The following IBTK variants were observed in gnomAD, a reference collection of about 807,000 sequenced individuals.
IBTK encodes inhibitor of Bruton tyrosine kinase, also known as BTK-binding protein.
A neutral mutation model predicts 154.9 loss-of-function variants in IBTK; 83 were observed. The ratio of observed to expected loss-of-function variants is 0.54; its 90% CI spans 0.45 to 0.64. IBTK has a LOEUF of 0.64. IBTK is among the 30% of genes least tolerant of loss of function. The pLI, the probability that IBTK is intolerant of heterozygous loss-of-function variation, is 0.00. For missense variants in IBTK, 1,332 were observed against 1,584.6 expected, an observed-to-expected ratio of 0.84 and a Z score of 2.71; for synonymous variants, 515 against 536.1, an observed-to-expected ratio of 0.96 and a Z score of 0.54.
chr6:82,202,470 C>T lies in IBTK; in HGVS notation c.2729+58G>A, dbSNP rs369138643. 2.0e-5 allele frequency: 18 copies of T among 880,120 alleles called. No individual in the cohort carries two copies. In the East Asian group the frequency reaches 2.7e-4, roughly 13 times the overall value. The allele number at this position is 880,120 out of a possible 1,614,324, so 54.5% of individuals were successfully genotyped here. On this transcript the variant is annotated intron_variant, in intron 18 of 28. Transcript: ENST00000306270. ...ACATTTAAATCACTAATAATATCTG[C>T]TATTATATATAAATATCTCCTTTTG...
chr6:82,181,036 A>T (rs1480069578), intron 26 of IBTK, among the ~76,000 whole-genome samples: 1 of 152,200 alleles, frequency 6.6e-6, no homozygotes, highest in Non-Finnish European at 1.5e-5. Context: ...TTGATGTTTC[A>T]TGTAGGCATT....
Position 82,173,392 on chromosome 6 carries a change from C to G in IBTK, c.3772G>C (p.Asp1258His), listed in dbSNP as rs1172451478. The G allele has an allele frequency of 6.2e-7, 1 of 1,613,536 alleles. No homozygotes were observed. Among genetic ancestry groups the G allele is most frequent in the Admixed American group, 1.7e-5 (1 of 60,004 alleles). The change falls in exon 27 of 29, where the codon GAT (aspartate) becomes CAT (histidine). Residue 1258 changes from aspartate (D) to histidine (H), a missense_variant. This residue lies in a region of IBTK where 1,134 missense variants were observed against 1,274.7 expected (regional missense o/e 0.89). Coordinates refer to ENST00000306270, the MANE Select transcript of IBTK (RefSeq NM_015525.4). Reference protein sequence around the residue: ...TPGPEGNHISDLPLLDSPNPW... With the variant: ...TPGPEGNHISHLPLLDSPNPW... ...TTGGGACTGTCTAGAAGTGGTAAAT[C>G]TGAAATATGGTTGCCTTCTGGTCCT...
chr6:82,180,564 T>C (rs955754825), intron 26 of IBTK, among the ~76,000 whole-genome samples: 3 of 152,192 alleles, frequency 2.0e-5, no homozygotes, highest in Non-Finnish European at 4.4e-5. Flanking sequence ...AAGATTTTAA[T>C]TTTAAAATAG....
Position 82,217,947 on chromosome 6 carries a change from T to C in IBTK, c.1426+13A>G, listed in dbSNP as rs1315904968. 1.6e-5 allele frequency: 25 copies of C among 1,556,836 alleles called. No individual in the cohort carries two copies. Among genetic ancestry groups the C allele is most frequent in the Non-Finnish European group, 2.2e-5 (25 of 1,145,850 alleles). On this transcript the variant is annotated intron_variant, in intron 10 of 28. Transcript: ENST00000306270. ...AAAGGTACTTTTACGTATTGTTCAA[T>C]ATATGAACTGACCTTTCTTTTCAGA...
At chr6:82,238,107 G>A (rs938676659) in intron 2 of IBTK, among the ~76,000 whole-genome samples, 7 of 151,984 alleles carry the variant, frequency 4.6e-5, no homozygotes, top group Admixed American at 6.6e-5. Context: ...AGCCGGGCAC[G>A]GTGGCACATG....
chr6:82,242,886 G>A (rs1400684421), intron 1 of IBTK, among the ~76,000 whole-genome samples: 3 of 151,370 alleles, frequency 2.0e-5, no homozygotes, highest in East Asian at 1.9e-4. Context: ...GCAGTGAGCC[G>A]AGATCCCGCC....
chr6:82,179,307 T>C (rs952832394), intron 26 of IBTK, among the ~76,000 whole-genome samples: 14 of 152,252 alleles, frequency 9.2e-5, no homozygotes, highest in African/African-American at 3.1e-4. Context: ...GTTTTGTCTA[T>C]ATTTTTGTTT....
chr6:82,230,212 G>A (rs185656574), intron 4 of IBTK, among the ~76,000 whole-genome samples: 42 of 152,274 alleles, frequency 2.8e-4, no homozygotes, highest in African/African-American at 7.9e-4. Context: ...AAGTTGGAAA[G>A]AGCCAGTACT....
At chr6:82,199,359 A>T (rs568940024) in intron 21 of IBTK, among the ~76,000 whole-genome samples, 12 of 152,278 alleles carry the variant, frequency 7.9e-5, no homozygotes, top group African/African-American at 2.9e-4. Flanking sequence ...AATAAAATGT[A>T]CATAGGTGTT....
At chr6:82,211,986 G>A (rs1359833209) in intron 13 of IBTK, among the ~76,000 whole-genome samples, 1 of 152,052 alleles carries the variant, frequency 6.6e-6, no homozygotes, top group African/African-American at 2.4e-5. Flanking sequence ...AGCATGAATA[G>A]CTAAAAACAA....
intron 16 of IBTK, among the ~76,000 whole-genome samples, chr6:82,207,527 T>C (rs1340071248): frequency 1.3e-5 from 2 of 152,158 alleles, no homozygotes; most frequent in Non-Finnish European, 2.9e-5. Context: ...ATCTACAAAT[T>C]AAATGTGATT....
At chr6:82,188,721 A>G (rs4706936) in intron 25 of IBTK, among the ~76,000 whole-genome samples, 36,648 of 152,142 alleles carry the variant, frequency 0.24, 4,466 homozygotes, top group African/African-American at 0.28. Context: ...AGTAGAATTA[A>G]AAGGCATATA....
chr6:82,246,441 C>CTTTT (rs1554189129), intron 1 of IBTK, among the ~76,000 whole-genome samples: 1 of 111,682 alleles, frequency 9.0e-6, no homozygotes, highest in Non-Finnish European at 1.8e-5. Context: ...TTACAGGCAT[C>CTTTT]TTTTTTTTTT....
intron 1 of IBTK, among the ~76,000 whole-genome samples, chr6:82,243,922 C>T (rs1306987748): frequency 6.6e-6 from 1 of 152,086 alleles, no homozygotes; most frequent in East Asian, 1.9e-4. Flanking sequence ...GTTAAAAAGT[C>T]ATTCCATACT....
intron 19 of IBTK, among the ~76,000 whole-genome samples, 184 bp downstream of exon 19, chr6:82,201,238 G>GT (rs1185469178): frequency 6.6e-6 from 1 of 151,936 alleles, no homozygotes. Flanking sequence ...TTATTATTAA[G>GT]TATCTTGAAT....
chr6:82,227,040 T>C, intron 5 of IBTK, 152 bp downstream of exon 5: 1 of 531,886 alleles, frequency 1.9e-6, no homozygotes, highest in East Asian at 3.1e-5. Flanking sequence ...AATTTAAACA[T>C]GATATATCAG....
chr6:82,228,139 A>T (rs1159258359), intron 4 of IBTK, among the ~76,000 whole-genome samples: 4 of 152,262 alleles, frequency 2.6e-5, no homozygotes, highest in East Asian at 3.9e-4. Context: ...TAATATTTTT[A>T]AAATCTTCTC....
intron 3 of IBTK, among the ~76,000 whole-genome samples, chr6:82,232,239 T>C (rs1246107963): frequency 6.6e-6 from 1 of 152,042 alleles, no homozygotes; most frequent in Non-Finnish European, 1.5e-5. Context: ...GCCAAATGAG[T>C]AAAACACCAC....
intron 25 of IBTK, chr6:82,189,039 G>GA: frequency 4.5e-6 from 2 of 447,874 alleles, no homozygotes; most frequent in Admixed American, 2.4e-5. Flanking sequence ...CAAAAAAAAA[G>GA]AAGAAAAAGT....
Sources: gnomAD v4.1 joint callset for allele counts (sites outside exome capture counted in the v4.1 genomes callset) on GRCh38, gnomAD v4.1.1 for gene constraint, gnomAD v4.1.1 regional missense constraint, MANE v1.5 for transcripts, NCBI Gene and HGNC (gene_info 2026-07-23, HGNC 2026-07-21) for gene names.